FSTL4: variants seen among roughly 807,000 people sequenced by gnomAD.
The protein encoded by FSTL4 is follistatin like 4.
A neutral mutation model predicts 78.2 loss-of-function variants in FSTL4; 28 were observed. That is an observed-to-expected ratio of 0.36 (90% CI 0.27 to 0.49). The LOEUF is 0.49. Among genes scored for constraint, FSTL4 ranks in the 20% least tolerant of loss-of-function variants. The pLI, the probability that FSTL4 is intolerant of heterozygous loss-of-function variation, is 0.98. For missense variants in FSTL4, 922 were observed against 1,084.9 expected, an observed-to-expected ratio of 0.85 and a Z score of 2.11; for synonymous variants, 422 against 440.5, an observed-to-expected ratio of 0.96 and a Z score of 0.53.
intron 3 of FSTL4, among the ~76,000 whole-genome samples, chr5:133,524,527 G>A (rs139822200): frequency 6.6e-6 from 1 of 152,262 alleles, no homozygotes; most frequent in Non-Finnish European, 1.5e-5. Context: ...GCTGTAACTT[G>A]CAGAACAGAG....
chr5:133,367,563 C>A (rs1163168177), intron 4 of FSTL4, among the ~76,000 whole-genome samples: 1 of 152,208 alleles, frequency 6.6e-6, no homozygotes, highest in Non-Finnish European at 1.5e-5. Context: ...CAACATGTGA[C>A]AAATTTCTGC....
the FSTL4 span, among the ~76,000 whole-genome samples, chr5:133,633,218 G>A: frequency 6.6e-6 from 1 of 152,064 alleles, no homozygotes; most frequent in East Asian, 1.9e-4. Flanking sequence ...TTATTTCTTT[G>A]AGTGCTTTTT....
chr5:133,544,097 T>G (rs1759526582), intron 3 of FSTL4, among the ~76,000 whole-genome samples: 1 of 152,182 alleles, frequency 6.6e-6, no homozygotes. Context: ...GCCAAACTTT[T>G]AAAGTTATGA....
At position 133,426,522 on chromosome 5, in the gene FSTL4, C is replaced by T. The variant is rs887048362; in HGVS notation, c.161-25536G>A. Among the ~76,000 whole-genome samples, 5 of 152,136 alleles carry T rather than the reference C, an allele frequency of 3.3e-5. No individual in the cohort carries two copies. Among genetic ancestry groups the T allele is most frequent in the South Asian group, 2.1e-4 (1 of 4,824 alleles). ...GACTAACAATTCTGATCCCTCATAA[C>T]GGAGCTCTCATGGCCAATTAGCAGC... On this transcript the variant is annotated intron_variant, in intron 3 of 15. Transcript: ENST00000265342. This position sits in a 1 kb window ranked among gnomAD's most constrained non-coding sequence, Gnocchi z 5.0.
At chr5:133,777,083 A>T in the FSTL4 span, among the ~76,000 whole-genome samples, 1 of 152,236 alleles carries the variant, frequency 6.6e-6, no homozygotes, top group Non-Finnish European at 1.5e-5. Context: ...CAAGCATAGA[A>T]ATAATGATTT....
chr5:133,205,106 TAAAC>T (rs1750453427), intron 14 of FSTL4, among the ~76,000 whole-genome samples: 1 of 152,176 alleles, frequency 6.6e-6, no homozygotes, highest in South Asian at 2.1e-4. Flanking sequence ...TAGGCAAAGG[TAAAC>T]TATTGGTTAT....
intron 3 of FSTL4, among the ~76,000 whole-genome samples, chr5:133,505,214 A>C (rs897683241): frequency 4.6e-5 from 7 of 152,162 alleles, no homozygotes; most frequent in Non-Finnish European, 1.0e-4. Context: ...CTCTCTCTCT[A>C]TTTATATATT....
At chr5:133,312,904 T>G (rs934750661) in intron 5 of FSTL4, 127 bp from the exon 6 acceptor site, 62 of 795,598 alleles carry the variant, frequency 7.8e-5, no homozygotes, top group Non-Finnish European at 1.1e-4. Flanking sequence ...TACCTGAAGC[T>G]CTTTGATTTT....
intron 4 of FSTL4, among the ~76,000 whole-genome samples, chr5:133,399,787 A>G (rs945576265): frequency 6.6e-6 from 1 of 152,254 alleles, no homozygotes; most frequent in South Asian, 2.1e-4. Flanking sequence ...CTGACCTCAC[A>G]TAACTCCAAG....
At chr5:133,486,679 G>A (rs188529022) in intron 3 of FSTL4, among the ~76,000 whole-genome samples, 2 of 152,144 alleles carry the variant, frequency 1.3e-5, no homozygotes, top group African/African-American at 2.4e-5. Flanking sequence ...ACCTAGAAAC[G>A]GCCCCCTCTT....
At chr5:133,467,033 T>C (rs1216078446) in intron 3 of FSTL4, among the ~76,000 whole-genome samples, 1 of 151,888 alleles carries the variant, frequency 6.6e-6, no homozygotes, top group Non-Finnish European at 1.5e-5. Flanking sequence ...TGAGTGTATG[T>C]GAGAGTATGA....
the FSTL4 span, among the ~76,000 whole-genome samples, chr5:133,713,792 T>C: frequency 6.6e-6 from 1 of 152,156 alleles, no homozygotes; most frequent in Non-Finnish European, 1.5e-5. Context: ...CTAGAAGAGA[T>C]GGGATAGCTC....
chr5:133,662,718 C>T, the FSTL4 span, among the ~76,000 whole-genome samples: 1 of 152,078 alleles, frequency 6.6e-6, no homozygotes, highest in African/African-American at 2.4e-5. Flanking sequence ...CCTGGGAGCT[C>T]CCCAGGGCTG....
chr5:133,233,778 C>T (rs1751573994), intron 7 of FSTL4, among the ~76,000 whole-genome samples: 1 of 152,192 alleles, frequency 6.6e-6, no homozygotes, highest in South Asian at 2.1e-4. Flanking sequence ...CTGGCCCCTC[C>T]TCCACGAGGC....
chr5:133,678,930 T>C, the FSTL4 span, among the ~76,000 whole-genome samples: 1 of 152,170 alleles, frequency 6.6e-6, no homozygotes. Context: ...AGAATCCTTC[T>C]GCATCATCAC....
At chr5:133,787,709 C>T in the FSTL4 span, among the ~76,000 whole-genome samples, 2 of 152,184 alleles carry the variant, frequency 1.3e-5, no homozygotes, top group African/African-American at 4.8e-5. Context: ...GAGGGGCCCA[C>T]CTGCTATCCC....
At chr5:133,352,787 CT>C (rs1580642534) in intron 4 of FSTL4, among the ~76,000 whole-genome samples, 1 of 152,140 alleles carries the variant, frequency 6.6e-6, no homozygotes, top group African/African-American at 2.4e-5. Context: ...GGAACTCCTT[CT>C]TTTTTATGGC....
chr5:133,463,714 C>T (rs1280078011), intron 3 of FSTL4, among the ~76,000 whole-genome samples: 1 of 152,166 alleles, frequency 6.6e-6, no homozygotes, highest in Non-Finnish European at 1.5e-5. Flanking sequence ...TATCCTGTGT[C>T]AAGGAGTTTG....
At chr5:133,489,100 C>A (rs954481938) in intron 3 of FSTL4, among the ~76,000 whole-genome samples, 1 of 152,246 alleles carries the variant, frequency 6.6e-6, no homozygotes, top group Non-Finnish European at 1.5e-5. Flanking sequence ...CGGGGTGCCA[C>A]TACTAATCAG....
Sources: allele counts gnomAD v4.1 joint callset (sites outside exome capture counted in the v4.1 genomes callset), GRCh38; gene constraint gnomAD v4.1.1; non-coding constraint Gnocchi (gnomAD v3.1); transcripts MANE v1.5; gene names NCBI Gene and HGNC (gene_info 2026-07-23, HGNC 2026-07-21).